The following ANKRD22 variants were observed in gnomAD, a reference collection of about 807,000 sequenced individuals.
ANKRD22 encodes ankyrin repeat domain 22.
In ANKRD22, 24 loss-of-function variants were observed where a neutral mutation model predicts 25.7. That is an observed-to-expected ratio of 0.93 (90% confidence interval 0.68 to 1.31). The LOEUF is 1.31. Among genes scored for constraint, ANKRD22 ranks in the 50% most tolerant of loss-of-function variants. ANKRD22 has a pLI of 0.00. For synonymous variants in ANKRD22, 84 were observed against 84.3 expected, an observed-to-expected ratio of 1.00 and a Z score of 0.02; for missense variants, 214 against 227.1, an observed-to-expected ratio of 0.94 and a Z score of 0.37.
intron 1 of ANKRD22, among the ~76,000 whole-genome samples, chr10:88,839,192 G>A: frequency 6.6e-6 from 1 of 152,106 alleles, no homozygotes; most frequent in East Asian, 1.9e-4. Flanking sequence ...ATCAGCCCAT[G>A]AATCACCTCC....
rs575246306 is a variant in ANKRD22, at chr10:88,851,768, C to T, written c.-161G>A. The T allele has an allele frequency of 4.2e-6, 3 of 710,056 alleles. No individual in the cohort carries two copies. Among genetic ancestry groups the T allele is most frequent in the African/African-American group, 3.5e-5 (2 of 56,780 alleles). 44.0% of individuals were successfully genotyped at this position (710,056 alleles called of 1,614,324 possible). On this transcript the variant is annotated 5_prime_UTR_variant, in exon 1 of 6. Transcript: ENST00000371930. ...CTTTTCTAGCAAACACCTGTCAGTG[C>T]TTTTCCAGCAGCTCAGGCAGCAGCA...
At chr10:88,847,264 T>C (rs539449063) in intron 1 of ANKRD22, among the ~76,000 whole-genome samples, 8 of 140,100 alleles carry the variant, frequency 5.7e-5, no homozygotes, top group Non-Finnish European at 1.2e-4. Flanking sequence ...TCTTTTTTTA[T>C]TGTTACTTTT....
chr10:88,823,245 A>G, intron 5 of ANKRD22, 35 bp downstream of exon 5: 1 of 1,546,358 alleles, frequency 6.5e-7, no homozygotes, highest in Non-Finnish European at 8.9e-7. Flanking sequence ...TGCTGCTGCT[A>G]GAGGAACCTC....
In ANKRD22 at chr10:88,822,913, T is replaced by G; in HGVS notation, c.*28A>C. 1.9e-6 allele frequency: 3 copies of G among 1,581,730 alleles called. No homozygotes were observed. Among genetic ancestry groups the G allele is most frequent in the Non-Finnish European group, 2.6e-6 (3 of 1,153,080 alleles). ...ATAGAATCCAGTCGTTAACTTTTTC[T>G]GTATCTCCATCGGTGTGGTCACAAG... On this transcript the variant is annotated 3_prime_UTR_variant, in exon 6 of 6. Transcript: ENST00000371930.
chr10:88,832,082 A>G lies in ANKRD22; in HGVS notation c.22-56T>C. 28 of 1,496,530 alleles carry G rather than the reference A, an allele frequency of 1.9e-5. 1 individual carries two copies. In the South Asian group the frequency reaches 3.1e-4, roughly 17 times the overall value. 92.7% of individuals were successfully genotyped at this position (1,496,530 alleles called of 1,614,324 possible). ...AAATACTGGCATAATTAAACCACAA[A>G]AACGAAAAAAAAGTCATAACCCAAT... is the stretch of plus-strand genomic sequence containing the variant. On this transcript the variant is annotated intron_variant, in intron 1 of 5. Coordinates refer to ENST00000371930, the MANE Select transcript of ANKRD22 (RefSeq NM_144590.3).
At chr10:88,843,838 A>G (rs189451499) in intron 1 of ANKRD22, among the ~76,000 whole-genome samples, 9 of 152,206 alleles carry the variant, frequency 5.9e-5, no homozygotes, top group Admixed American at 3.3e-4. Context: ...ATAACCTACT[A>G]TATTATTTTC....
rs765255974 is a variant in ANKRD22, at chr10:88,831,976, C to A, written c.72G>T (p.Trp24Cys). 1.2e-6 allele frequency: 2 copies of A among 1,613,814 alleles called. No individual in the cohort carries two copies. The highest frequency in any genetic ancestry group is 1.7e-6 in the Non-Finnish European group (2 of 1,179,882). ...YQNDFGQVWRWVKEDSSYANV... is the reference protein window; with the variant it reads ...YQNDFGQVWRCVKEDSSYANV... ...TGGCATAGCTGCTGTCTTCTTTCAC[C>A]CACCGCCACACTTGTCCAAAGTCAT... is the stretch of plus-strand genomic sequence containing the variant. The change falls in exon 2 of 6, where the codon TGG becomes TGT. Residue 24 changes from tryptophan (W) to cysteine (C), a missense_variant. Physicochemically the swap from Trp to Cys is radical, Grantham distance 215. Coordinates refer to ENST00000371930, the MANE Select transcript of ANKRD22 (RefSeq NM_144590.3).
intron 1 of ANKRD22, among the ~76,000 whole-genome samples, chr10:88,846,630 T>C (rs1844051503): frequency 2.0e-5 from 3 of 152,152 alleles, no homozygotes; most frequent in Admixed American, 6.5e-5. Flanking sequence ...AGCATGATAA[T>C]GGACTAGTAA....
intron 2 of ANKRD22, 103 bp from the exon 3 acceptor site, chr10:88,828,769 G>T (rs980022595): frequency 3.7e-6 from 3 of 809,288 alleles, no homozygotes; most frequent in Non-Finnish European, 3.9e-6. Context: ...TGTTTTTCCG[G>T]TACCCATGGC....
chr10:88,822,543 G>GTTTTTTTTTTTTTTTTTTTTTTTTTTTTT lies in ANKRD22; in HGVS notation c.*397_*398insAAAAAAAAAAAAAAAAAAAAAAAAAAAAA, dbSNP rs1491462149. The GTTTTTTTTTTTTTTTTTTTTTTTTTTTTT allele has an allele frequency of 1.5e-4, 3 of 19,726 alleles. No homozygotes were observed. Among genetic ancestry groups the GTTTTTTTTTTTTTTTTTTTTTTTTTTTTT allele is most frequent in the Non-Finnish European group, 2.4e-4 (3 of 12,578 alleles). 1.2% of individuals were successfully genotyped at this position (19,726 alleles called of 1,614,324 possible). On this transcript the variant is annotated 3_prime_UTR_variant, in exon 6 of 6. Coordinates refer to ENST00000371930, the MANE Select transcript of ANKRD22 (RefSeq NM_144590.3). ...GAAAGACTGAGTTTGGAACACCAGG[G>GTTTTTTTTTTTTTTTTTTTTTTTTTTTTT]CTTTTTTTTTTTTTTTTTTTTTTGA... is the stretch of plus-strand genomic sequence containing the variant.
At position 88,822,819 on chromosome 10, in the gene ANKRD22, G is replaced by T. The variant is rs1315497684; in HGVS notation, c.*122C>A. 6 of 810,004 alleles carry T rather than the reference G, an allele frequency of 7.4e-6. No homozygotes were observed. In the Admixed American group the frequency reaches 1.1e-4, roughly 15 times the overall value. The allele number at this position is 810,004 out of a possible 1,614,324, so 50.2% of individuals were successfully genotyped here. On this transcript the variant is annotated 3_prime_UTR_variant, in exon 6 of 6. Transcript: ENST00000371930. ...TCTTCCAAAACATTAACCATGGTAA[G>T]CATCATTATCCCCATAAAATGGTGG...
chr10:88,851,317 C>T (rs1289981398), intron 1 of ANKRD22, among the ~76,000 whole-genome samples: 3 of 152,112 alleles, frequency 2.0e-5, no homozygotes, highest in Non-Finnish European at 4.4e-5. Context: ...CCAAATTATC[C>T]TTGCAAACAT....
chr10:88,839,402 A>G (rs1056562895), intron 1 of ANKRD22, among the ~76,000 whole-genome samples: 1 of 152,146 alleles, frequency 6.6e-6, no homozygotes. Flanking sequence ...TGTATAAACC[A>G]CTGCTGTTCT....
chr10:88,823,128 C>T, intron 5 of ANKRD22, 110 bp from the exon 6 acceptor site: 2 of 1,264,266 alleles, frequency 1.6e-6, no homozygotes, highest in Non-Finnish European at 1.1e-6. Flanking sequence ...GGCAATCAGT[C>T]CTAATAGTAA....
In ANKRD22 at chr10:88,820,080, G is replaced by A. The variant is rs1843768426; in HGVS notation, c.*2861C>T. On this transcript the variant is annotated 3_prime_UTR_variant, in exon 6 of 6. Transcript: ENST00000371930. The stretch of plus-strand genomic sequence containing the variant: ...TAATTTTACCTTAAAGTAAGGGCGG[G>A]AACAGAAATTCTTAACAGAGTTGTG... Among the ~76,000 whole-genome samples, 1 of 152,144 alleles carries A rather than the reference G, an allele frequency of 6.6e-6. No homozygotes were observed. The highest frequency in any genetic ancestry group is 2.4e-5 in the African/African-American group (1 of 41,432).
chr10:88,824,193 T>G (rs527245458), intron 4 of ANKRD22, among the ~76,000 whole-genome samples: 2 of 152,296 alleles, frequency 1.3e-5, no homozygotes, highest in South Asian at 2.1e-4. Flanking sequence ...ATAGCTTATA[T>G]TATGTGTTAT....
intron 2 of ANKRD22, among the ~76,000 whole-genome samples, chr10:88,829,431 T>G (rs1198523160): frequency 6.6e-6 from 1 of 152,222 alleles, no homozygotes; most frequent in Non-Finnish European, 1.5e-5. Context: ...TGTAAAAAAA[T>G]TTTAGAAACT....
chr10:88,826,728 C>T (rs374229527), intron 3 of ANKRD22, among the ~76,000 whole-genome samples: 126 of 152,294 alleles, frequency 8.3e-4, no homozygotes, highest in Non-Finnish European at 1.4e-3. Context: ...CCCTGACCCA[C>T]CTGACCAGGT....
chr10:88,829,140 A>G (rs185967987), intron 2 of ANKRD22, among the ~76,000 whole-genome samples: 30 of 152,302 alleles, frequency 2.0e-4, no homozygotes, highest in African/African-American at 5.3e-4. Flanking sequence ...ATATAACTCA[A>G]TTTTATTCTT....
Sources: gnomAD v4.1 joint callset for allele counts (sites outside exome capture counted in the v4.1 genomes callset) on GRCh38, gnomAD v4.1.1 for gene constraint, MANE v1.5 for transcripts, NCBI Gene and HGNC (gene_info 2026-07-23, HGNC 2026-07-21) for gene names.